Variants in NKIRAS1 observed in about 807,000 individuals in gnomAD.
The protein encoded by NKIRAS1 is NFKB inhibitor interacting Ras like 1.
In NKIRAS1, 16 loss-of-function variants were observed where a neutral mutation model predicts 19.8. The observed-to-expected ratio is 0.81, with a 90% CI of 0.55 to 1.23. The LOEUF (loss-of-function observed/expected upper bound fraction) is 1.23. Among genes scored for constraint, NKIRAS1 ranks in the 50% most tolerant of loss-of-function variants. The pLI, the probability that NKIRAS1 is intolerant of heterozygous loss-of-function variation, is 0.00. For missense variants in NKIRAS1, 184 were observed against 220.0 expected (o/e 0.84, Z 1.04); for synonymous variants, 88 against 79.0 (o/e 1.11, Z -0.61).
chr3:23,921,570 G>GTTGTTTTTT, upstream of NKIRAS1: 4 of 508,310 alleles, frequency 7.9e-6, no homozygotes, highest in Non-Finnish European at 1.4e-5. Context: ...TGATTATTGA[G>GTTGTTTTTT]TTTTTTTTTT....
At chr3:23,944,790 T>G (rs1420426086) in intron 1 of NKIRAS1, among the ~76,000 whole-genome samples, 2 of 144,434 alleles carry the variant, frequency 1.4e-5, no homozygotes, top group African/African-American at 2.6e-5. Context: ...AAGGGAAGGG[T>G]CTGTGCCCTC....
upstream of NKIRAS1, chr3:23,918,945 A>G: frequency 1.8e-6 from 1 of 548,730 alleles, no homozygotes; most frequent in Non-Finnish European, 3.2e-6. Flanking sequence ...CCAGATATTA[A>G]CATATTCCTG....
chr3:23,930,822 C>A (rs1705301829), intron 1 of NKIRAS1, among the ~76,000 whole-genome samples: 1 of 151,986 alleles, frequency 6.6e-6, no homozygotes, highest in Admixed American at 6.6e-5. Flanking sequence ...CCCACCTTTA[C>A]CTCCTGAGTA....
chr3:23,897,327 T>G (rs570954617), intron 4 of NKIRAS1, among the ~76,000 whole-genome samples: 1 of 152,320 alleles, frequency 6.6e-6, no homozygotes, highest in East Asian at 1.9e-4. Flanking sequence ...TTAAAAAGCA[T>G]GCTTAATGTA....
At chr3:23,904,615 A>G (rs1285000304) in intron 3 of NKIRAS1, among the ~76,000 whole-genome samples, 1 of 151,154 alleles carries the variant, frequency 6.6e-6, no homozygotes, top group South Asian at 2.1e-4. Flanking sequence ...TGGAGGAGAC[A>G]CTATCCTTCA....
At chr3:23,918,449 T>C (rs1443997882), upstream of NKIRAS1, 2 of 1,612,540 alleles carry the variant, frequency 1.2e-6, no homozygotes, top group Non-Finnish European at 1.7e-6. Context: ...GGTTACGTTA[T>C]ATATAGGATT....
chr3:23,898,605 G>A (rs1559502030), intron 4 of NKIRAS1, among the ~76,000 whole-genome samples: 1 of 152,064 alleles, frequency 6.6e-6, no homozygotes, highest in African/African-American at 2.4e-5. Flanking sequence ...TACCACGCCA[G>A]GCTAATTTTT....
chr3:23,896,767 A>G (rs1702037551), intron 4 of NKIRAS1, among the ~76,000 whole-genome samples: 1 of 151,918 alleles, frequency 6.6e-6, no homozygotes, highest in Non-Finnish European at 1.5e-5. Flanking sequence ...TGAGACCAGG[A>G]GTTCAAGACT....
chr3:23,902,173 T>C (rs1019061211), intron 3 of NKIRAS1, among the ~76,000 whole-genome samples: 1 of 152,172 alleles, frequency 6.6e-6, no homozygotes, highest in Non-Finnish European at 1.5e-5. Context: ...TCATACTATG[T>C]TATAGTTTTT....
upstream of NKIRAS1, chr3:23,917,787 C>T (rs991456487): frequency 8.2e-6 from 12 of 1,468,674 alleles, no homozygotes; most frequent in Admixed American, 1.1e-4. Flanking sequence ...CTAAGATGGA[C>T]GGATACAGTC....
chr3:23,938,591 C>A (rs1373085402), intron 1 of NKIRAS1, among the ~76,000 whole-genome samples: 1 of 152,088 alleles, frequency 6.6e-6, no homozygotes, highest in East Asian at 1.9e-4. Flanking sequence ...AAATTGTTCC[C>A]TTTTGAAAAT....
At chr3:23,942,509 G>A (rs1450726746) in intron 1 of NKIRAS1, among the ~76,000 whole-genome samples, 5 of 152,036 alleles carry the variant, frequency 3.3e-5, no homozygotes, top group Non-Finnish European at 5.9e-5. Context: ...TCGGCTCACC[G>A]CAACCTCCGC....
At chr3:23,939,796 TATCA>T (rs1209744287) in intron 1 of NKIRAS1, among the ~76,000 whole-genome samples, 14 of 152,228 alleles carry the variant, frequency 9.2e-5, no homozygotes, top group African/African-American at 2.6e-4. Flanking sequence ...GTAGAGTTGA[TATCA>T]ATCAAAGAGA....
Position 23,945,412 on chromosome 3 carries a change from T to C in NKIRAS1, c.-140+911A>G, listed in dbSNP as rs1236191506. ...GCCACCCTCTCTCGCTGCAGCCTGCTGTGCGCTGCACGGCCTGGGGCCCGG... is the reference window on the plus strand; with the variant it reads ...GCCACCCTCTCTCGCTGCAGCCTGCCGTGCGCTGCACGGCCTGGGGCCCGG... On this transcript the variant is annotated intron_variant, in intron 1 of 4. Transcript: ENST00000421515. 6.1e-5 allele frequency: 12 copies of C among 198,228 alleles called. No individual in the cohort carries two copies. In the South Asian group the frequency reaches 1.9e-3, roughly 31 times the overall value. The allele number at this position is 198,228 out of a possible 1,614,324, so 12.3% of individuals were successfully genotyped here.
intron 1 of NKIRAS1, among the ~76,000 whole-genome samples, chr3:23,934,925 A>G (rs981252972): frequency 6.6e-6 from 1 of 152,194 alleles, no homozygotes; most frequent in African/African-American, 2.4e-5. Context: ...CATGCAATAA[A>G]TGATTTCTAA....
chr3:23,901,829 T>G (rs529688745), intron 3 of NKIRAS1, among the ~76,000 whole-genome samples: 1 of 152,272 alleles, frequency 6.6e-6, no homozygotes, highest in Admixed American at 6.5e-5. Flanking sequence ...TCCCAGCACT[T>G]TGGGAGGCCT....
chr3:23,931,658 C>T (rs1705317296), intron 1 of NKIRAS1, among the ~76,000 whole-genome samples: 1 of 151,444 alleles, frequency 6.6e-6, no homozygotes, highest in African/African-American at 2.4e-5. Flanking sequence ...GTTTTGTCCA[C>T]CAATACGCCC....
intron 3 of NKIRAS1, among the ~76,000 whole-genome samples, chr3:23,903,740 C>T (rs762227675): frequency 3.3e-5 from 5 of 152,096 alleles, no homozygotes; most frequent in Admixed American, 6.5e-5. Flanking sequence ...GAAGGTCCAG[C>T]ATCCAAAAAG....
chr3:23,891,383 G>A lies in NKIRAS1; in HGVS notation c.*1712C>T, dbSNP rs1701452685. The A allele has an allele frequency of 6.6e-6, 1 of 152,090 alleles. No individual in the cohort carries two copies. The highest frequency in any genetic ancestry group is 1.5e-5 in the Non-Finnish European group (1 of 68,006). The allele number at this position is 152,090 out of a possible 1,614,324, so 9.4% of individuals were successfully genotyped here. On this transcript the variant is annotated 3_prime_UTR_variant, in exon 5 of 5. Coordinates refer to ENST00000425478, the MANE Select transcript of NKIRAS1 (RefSeq NM_020345.4). ...TTCGCAGATTCTTCTGAAATCGATA[G>A]GTATCTGCTTCTAAAACAAGCTAAA...
Sources: gnomAD v4.1 joint callset for allele counts (sites outside exome capture counted in the v4.1 genomes callset) on GRCh38, gnomAD v4.1.1 for gene constraint, MANE v1.5 for transcripts, NCBI Gene and HGNC (gene_info 2026-07-23, HGNC 2026-07-21) for gene names.